The following DLGAP2 variants were observed in gnomAD, a reference collection of about 807,000 sequenced individuals.
DLGAP2 encodes disks large-associated protein 2.
In DLGAP2, 26 loss-of-function variants were observed where a neutral mutation model predicts 100.3. The ratio of observed to expected loss-of-function variants is 0.26; its 90% CI spans 0.19 to 0.36. The LOEUF is 0.36. Among genes scored for constraint, DLGAP2 ranks in the 10% least tolerant of loss-of-function variants. DLGAP2 has a pLI of 1.00. For missense variants in DLGAP2, 1,858 were observed against 1,453.2 expected (o/e 1.28, Z -4.53); for synonymous variants, 886 against 630.1 (o/e 1.41, Z -6.08).
intron 3 of DLGAP2, among the ~76,000 whole-genome samples, chr8:1,484,592 T>G (rs928193860): frequency 2.0e-5 from 3 of 152,236 alleles, no homozygotes; most frequent in Non-Finnish European, 4.4e-5. Flanking sequence ...TCACGCTGAT[T>G]CAGAGTCATC....
intron 2 of DLGAP2, among the ~76,000 whole-genome samples, chr8:969,417 G>C (rs1313661514): frequency 6.6e-6 from 1 of 151,940 alleles, no homozygotes; most frequent in Non-Finnish European, 1.5e-5. Flanking sequence ...AGTTTCTCTG[G>C]AGACTCCTGA....
intron 1 of DLGAP2, among the ~76,000 whole-genome samples, chr8:790,325 G>C (rs1288713609): frequency 3.3e-5 from 5 of 152,204 alleles, no homozygotes; most frequent in Non-Finnish European, 2.9e-5. Flanking sequence ...AGGTGAAGCT[G>C]TAAGAGATGC....
At chr8:1,445,930 T>C (rs921015400) in intron 3 of DLGAP2, among the ~76,000 whole-genome samples, 4 of 152,238 alleles carry the variant, frequency 2.6e-5, no homozygotes, top group Non-Finnish European at 5.9e-5. Flanking sequence ...AACTTTTTGA[T>C]GGGGTCGTTT....
intron 6 of DLGAP2, among the ~76,000 whole-genome samples, chr8:1,583,353 C>A (rs1198354729): frequency 1.3e-5 from 2 of 152,150 alleles, no homozygotes; most frequent in Non-Finnish European, 2.9e-5. Context: ...ATTCCTCTGG[C>A]CCATGAGCCT....
chr8:1,037,464 T>G (rs1238222894), intron 2 of DLGAP2, among the ~76,000 whole-genome samples: 1 of 152,160 alleles, frequency 6.6e-6, no homozygotes, highest in African/African-American at 2.4e-5. Context: ...GGCGGTGGCC[T>G]GGCTGCTGTG....
intron 3 of DLGAP2, among the ~76,000 whole-genome samples, chr8:1,371,925 C>A (rs547169075): frequency 1.3e-5 from 2 of 152,332 alleles, no homozygotes; most frequent in African/African-American, 4.8e-5. Flanking sequence ...TTTCAATATG[C>A]CACTTTTCTC....
chr8:1,426,330 G>T (rs961367499), intron 3 of DLGAP2, among the ~76,000 whole-genome samples: 1 of 152,148 alleles, frequency 6.6e-6, no homozygotes, highest in Admixed American at 6.5e-5. Flanking sequence ...GACTAGATCT[G>T]CTCAAAGTCC....
chr8:844,127 G>T (rs976853293), intron 1 of DLGAP2, among the ~76,000 whole-genome samples: 1 of 152,194 alleles, frequency 6.6e-6, no homozygotes, highest in African/African-American at 2.4e-5. Context: ...ACAGTGAAGA[G>T]TATTCGTCAG....
intron 2 of DLGAP2, among the ~76,000 whole-genome samples, chr8:1,226,252 TA>T (rs1008719378): frequency 2.0e-5 from 3 of 151,520 alleles, no homozygotes; most frequent in African/African-American, 7.3e-5. Flanking sequence ...ATAGACTGGA[TA>T]AAAAAAATGC....
intron 3 of DLGAP2, among the ~76,000 whole-genome samples, chr8:1,275,728 A>ATAT (rs397759307): frequency 7.4e-6 from 1 of 135,120 alleles, no homozygotes; most frequent in African/African-American, 2.7e-5. Flanking sequence ...ATATATATAT[A>ATAT]AAATATATGT....
At chr8:1,071,404 A>G (rs561515689) in intron 2 of DLGAP2, among the ~76,000 whole-genome samples, 1 of 152,060 alleles carries the variant, frequency 6.6e-6, no homozygotes, top group Non-Finnish European at 1.5e-5. Flanking sequence ...ACCACCCTGG[A>G]TGATGTGCAG....
chr8:1,304,848 C>A (rs1426982688), intron 3 of DLGAP2, among the ~76,000 whole-genome samples: 6 of 152,196 alleles, frequency 3.9e-5, no homozygotes, highest in Non-Finnish European at 7.3e-5. Flanking sequence ...CAATACTGCA[C>A]AGGATAAGCT....
rs555379017 is a variant in DLGAP2 at position 1,090,091 on chromosome 8, G to T, written c.74-168760G>T. ...CTGTCTGCACTCTGGAGCCCTCCTG[G>T]GCAGACAGGGGTGGAAACTCACACC... On this transcript the variant is annotated intron_variant, in intron 2 of 14. Transcript: ENST00000637795. Among the ~76,000 whole-genome samples the T allele has an allele frequency of 4.0e-3, 551 of 137,538 alleles. 20 individuals are homozygous for T. The highest frequency in any genetic ancestry group is 0.02 in the Middle Eastern group (5 of 252). The allele number at this position is 137,538 out of a possible 152,430, so 90.2% of individuals were successfully genotyped here.
At chr8:1,511,645 A>G (rs1020511222) in intron 4 of DLGAP2, among the ~76,000 whole-genome samples, 11 of 151,568 alleles carry the variant, frequency 7.3e-5, no homozygotes, top group African/African-American at 2.7e-4. Context: ...GTAGATGACC[A>G]TCTTCCATGG....
intron 2 of DLGAP2, among the ~76,000 whole-genome samples, chr8:1,236,058 C>G (rs1216678747): frequency 1.3e-5 from 1 of 76,020 alleles, no homozygotes; most frequent in East Asian, 3.9e-4. Flanking sequence ...TCACATGGCA[C>G]CGTGTCTAGT....
chr8:1,061,737 C>T (rs1381910251), intron 2 of DLGAP2, among the ~76,000 whole-genome samples: 1 of 151,962 alleles, frequency 6.6e-6, no homozygotes, highest in East Asian at 1.9e-4. Context: ...CTTCCCTTCC[C>T]TCTCCCTCCC....
chr8:1,505,607 A>G (rs1799880259), intron 4 of DLGAP2, among the ~76,000 whole-genome samples: 1 of 152,230 alleles, frequency 6.6e-6, no homozygotes. Flanking sequence ...GAAATATAGG[A>G]GGATAAGGAA....
chr8:1,254,258 A>G (rs906182142), intron 2 of DLGAP2, among the ~76,000 whole-genome samples: 11 of 152,076 alleles, frequency 7.2e-5, no homozygotes, highest in African/African-American at 1.2e-4. Context: ...CCCTGGGGGA[A>G]CCCCGGGCAC....
At chr8:1,319,121 C>G (rs988369378) in intron 3 of DLGAP2, among the ~76,000 whole-genome samples, 1 of 152,052 alleles carries the variant, frequency 6.6e-6, no homozygotes, top group Non-Finnish European at 1.5e-5. Flanking sequence ...GGCTGGAGGG[C>G]CAAGCTCAGC....
Sources: allele counts gnomAD v4.1 joint callset (sites outside exome capture counted in the v4.1 genomes callset), GRCh38; gene constraint gnomAD v4.1.1; transcripts MANE v1.5; gene names NCBI Gene and HGNC (gene_info 2026-07-23, HGNC 2026-07-21).